The following YIPF4 variants were observed in gnomAD, a reference collection of about 807,000 sequenced individuals.
YIPF4 encodes Yip1 domain family member 4.
A neutral mutation model predicts 29.4 loss-of-function variants in YIPF4; 18 were observed. That is an observed-to-expected ratio of 0.61 (90% CI 0.42 to 0.91). YIPF4 has a LOEUF of 0.91. Ranked by LOEUF, YIPF4 falls within the 40% of genes least tolerant of loss-of-function variation. The pLI is 0.00. For missense variants in YIPF4, 279 were observed against 282.7 expected, an observed-to-expected ratio of 0.99 and a Z score of 0.09; for synonymous variants, 115 against 104.7, an observed-to-expected ratio of 1.10 and a Z score of -0.60.
rs1024666738 is a variant in YIPF4, at chr2:32,316,042, C to CAAAAAAAAAAAAAAAAA, written c.*10431_*10432insAAAAAAAAAAAAAAAAA. The CAAAAAAAAAAAAAAAAA allele has an allele frequency of 2.9e-5, 3 of 104,278 alleles. No individual in the cohort carries two copies. Among genetic ancestry groups the CAAAAAAAAAAAAAAAAA allele is most frequent in the Non-Finnish European group, 4.1e-5 (2 of 48,228 alleles). 6.5% of individuals were successfully genotyped at this position (104,278 alleles called of 1,614,324 possible). On this transcript the variant is annotated 3_prime_UTR_variant, in exon 6 of 6. Transcript: ENST00000238831. ...CCAAAAAGGAAAAAAAAAAAAAAAC[C>CAAAAAAAAAAAAAAAAA]AAAAAAAAAAAAAAAGTATAAAGCA...
Position 32,299,802 on chromosome 2 carries a change from C to T in YIPF4, c.483+1491C>T, listed in dbSNP as rs112862920. ...ACTGTAGCCTGGCCGACGGTGAAAT[C>T]TTGTCTTAAATAAATTAAATAAATA... On this transcript the variant is annotated intron_variant, in intron 4 of 5. Transcript: ENST00000238831. 2.1e-3 allele frequency among the ~76,000 whole-genome samples: 316 copies of T among 152,028 alleles called. 1 individual carries two copies. The highest frequency in any genetic ancestry group is 4.9e-3 in the Admixed American group (75 of 15,246).
chr2:32,305,835 T>G lies in YIPF4; in HGVS notation c.*209T>G. The G allele has an allele frequency of 8.4e-7, 1 of 1,194,306 alleles. No homozygotes were observed. The highest frequency in any genetic ancestry group is 1.0e-6 in the Non-Finnish European group (1 of 965,258). 74.0% of individuals were successfully genotyped at this position (1,194,306 alleles called of 1,614,324 possible). ...GGATTTTTGGGTCAGAATTTTAAAT[T>G]CTGTTTGATTCTCCATATTCCAGTG... On this transcript the variant is annotated 3_prime_UTR_variant, in exon 6 of 6. Coordinates refer to ENST00000238831, the MANE Select transcript of YIPF4 (RefSeq NM_032312.4).
At chr2:32,303,969 T>A (rs2031490337) in intron 5 of YIPF4, among the ~76,000 whole-genome samples, 1 of 152,258 alleles carries the variant, frequency 6.6e-6, no homozygotes, top group Non-Finnish European at 1.5e-5. Flanking sequence ...ACTATTGTTC[T>A]GTGGTCATCT....
intron 1 of YIPF4, among the ~76,000 whole-genome samples, chr2:32,282,765 T>C (rs2030485517): frequency 6.6e-6 from 1 of 151,722 alleles, no homozygotes; most frequent in Admixed American, 6.6e-5. Context: ...TTTCCTCATA[T>C]ACAAATTGGG....
chr2:32,306,715 GT>G lies in YIPF4; in HGVS notation c.*1094del. ...ATATTTGTTGCAAATAATTTCATAG[GT>G]TTTTAGATACACCTGTAGTTAATAT... On this transcript the variant is annotated 3_prime_UTR_variant, in exon 6 of 6. Coordinates refer to ENST00000238831, the MANE Select transcript of YIPF4 (RefSeq NM_032312.4). 2.0e-6 allele frequency: 1 copy of G among 500,534 alleles called. No individual in the cohort carries two copies. Among genetic ancestry groups the G allele is most frequent in the Non-Finnish European group, 2.6e-6 (1 of 387,282 alleles). 31.0% of individuals were successfully genotyped at this position (500,534 alleles called of 1,614,324 possible).
intron 3 of YIPF4, among the ~76,000 whole-genome samples, chr2:32,293,789 G>A (rs1318894460): frequency 1.3e-5 from 2 of 150,812 alleles, no homozygotes; most frequent in Non-Finnish European, 3.0e-5. Flanking sequence ...AGTAGGGGCG[G>A]CTGGGCAGAG....
intron 4 of YIPF4, among the ~76,000 whole-genome samples, chr2:32,298,762 T>A (rs1400067223): frequency 6.6e-6 from 1 of 152,080 alleles, no homozygotes; most frequent in Admixed American, 6.5e-5. Context: ...TTTCACCATG[T>A]TGGCCAGGCT....
intron 4 of YIPF4, among the ~76,000 whole-genome samples, chr2:32,300,434 TAA>T (rs78248257): frequency 4.8e-4 from 58 of 120,602 alleles, no homozygotes; most frequent in Admixed American, 7.8e-4. Context: ...ACTCCGTCTT[TAA>T]AAAAAAAAAA....
At chr2:32,281,710 A>G (rs902673950) in intron 1 of YIPF4, among the ~76,000 whole-genome samples, 1 of 151,962 alleles carries the variant, frequency 6.6e-6, no homozygotes. Flanking sequence ...CAACATGGCA[A>G]AACCCCATCT....
rs1378882468 is a variant in YIPF4, at chr2:32,312,579, C to G, written c.*6953C>G. The stretch of plus-strand genomic sequence containing the variant: ...ATAATAAAACATTGAGAAGAAACAG[C>G]CTTTGAATTTGGCACCCTGAATGTG... On this transcript the variant is annotated 3_prime_UTR_variant, in exon 6 of 6. Coordinates refer to ENST00000238831, the MANE Select transcript of YIPF4 (RefSeq NM_032312.4). 13 of 149,238 alleles carry G rather than the reference C, an allele frequency of 8.7e-5. No homozygotes were observed. Among genetic ancestry groups the G allele is most frequent in the East Asian group, 3.9e-4 (2 of 5,140 alleles). The allele number at this position is 149,238 out of a possible 1,614,324, so 9.2% of individuals were successfully genotyped here. A position where few individuals can be genotyped will look rare whatever the true frequency, so the allele number is the denominator to read the frequency against.
chr2:32,282,247 G>A (rs961287988), intron 1 of YIPF4, among the ~76,000 whole-genome samples: 1 of 152,036 alleles, frequency 6.6e-6, no homozygotes, highest in South Asian at 2.1e-4. Flanking sequence ...CCAGGGGAAC[G>A]TAGTGACACC....
rs2031268760 is a variant in YIPF4, at chr2:32,298,252, A to T, written c.424A>T (p.Thr142Ser). The T allele has an allele frequency of 5.0e-6, 8 of 1,610,490 alleles. No homozygotes were observed. Among genetic ancestry groups the T allele is most frequent in the Non-Finnish European group, 6.8e-6 (8 of 1,177,768 alleles). ...CCCTAAGGTGGTCTCATGGATTATA[A>T]CCATTTGGATATTTGGTTCACTAAC... ...GQFRVVSWII[T>S]IWIFGSLTIF... The change falls in exon 4 of 6, where the codon ACC (threonine) becomes TCC (serine). Residue 142 changes from threonine (T) to serine (S), a missense_variant. Thr to Ser is a moderately conservative substitution (Grantham distance 58). Coordinates refer to ENST00000238831, the MANE Select transcript of YIPF4 (RefSeq NM_032312.4).
chr2:32,292,464 A>T (rs2030959399), intron 3 of YIPF4, 116 bp downstream of exon 3: 1 of 826,664 alleles, frequency 1.2e-6, no homozygotes, highest in Non-Finnish European at 1.7e-6. Context: ...TTTACCCATT[A>T]TTTCTCACTT....
At chr2:32,284,510 A>G (rs1419910119) in intron 1 of YIPF4, among the ~76,000 whole-genome samples, 1 of 151,756 alleles carries the variant, frequency 6.6e-6, no homozygotes, top group Non-Finnish European at 1.5e-5. Context: ...AGGGTGTAGC[A>G]CCTCCACTGT....
intron 3 of YIPF4, among the ~76,000 whole-genome samples, chr2:32,293,874 G>A (rs1331731484): frequency 4.1e-5 from 6 of 146,606 alleles, no homozygotes; most frequent in Admixed American, 6.7e-5. Flanking sequence ...CGGACGGGGC[G>A]GCTGGCCGGG....
rs1464178991 is a variant in YIPF4, at chr2:32,305,706, A to G, written c.*80A>G. ...AATTCTTGCTGAAGGAATTGGAGAA[A>G]ACCTGTTGCTGCAAAATTTTACATG... On this transcript the variant is annotated 3_prime_UTR_variant, in exon 6 of 6. Coordinates refer to ENST00000238831, the MANE Select transcript of YIPF4 (RefSeq NM_032312.4). The G allele has an allele frequency of 7.5e-7, 1 of 1,324,718 alleles. No individual in the cohort carries two copies. The highest frequency in any genetic ancestry group is 1.5e-5 in the African/African-American group (1 of 66,560). 82.1% of individuals were successfully genotyped at this position (1,324,718 alleles called of 1,614,324 possible). A position where few individuals can be genotyped will look rare whatever the true frequency, so the allele number is the denominator to read the frequency against.
intron 3 of YIPF4, among the ~76,000 whole-genome samples, chr2:32,296,473 A>T (rs1172830340): frequency 6.6e-6 from 1 of 150,998 alleles, no homozygotes; most frequent in East Asian, 1.9e-4. Flanking sequence ...TCAGTCTCAA[A>T]AAAAAAAAAA....
In YIPF4 at chr2:32,309,403, A is replaced by G. The variant is rs1158971173; in HGVS notation, c.*3777A>G. ...TGAAACCTGAGAAACTCTGGTCCCAAGCATTTTGGAAAGGGTATACTCAAT... is the reference window on the plus strand; with the variant it reads ...TGAAACCTGAGAAACTCTGGTCCCAGGCATTTTGGAAAGGGTATACTCAAT... On this transcript the variant is annotated 3_prime_UTR_variant, in exon 6 of 6. Coordinates refer to ENST00000238831, the MANE Select transcript of YIPF4 (RefSeq NM_032312.4). 6.6e-6 allele frequency: 1 copy of G among 152,216 alleles called. No individual in the cohort carries two copies. Among genetic ancestry groups the G allele is most frequent in the South Asian group, 2.1e-4 (1 of 4,830 alleles). The allele number at this position is 152,216 out of a possible 1,614,324, so 9.4% of individuals were successfully genotyped here. A position where few individuals can be genotyped will look rare whatever the true frequency, so the allele number is the denominator to read the frequency against.
intron 1 of YIPF4, among the ~76,000 whole-genome samples, chr2:32,282,297 C>G (rs2030455624): frequency 6.6e-6 from 1 of 152,176 alleles, no homozygotes; most frequent in Non-Finnish European, 1.5e-5. Flanking sequence ...ATTCTGCTAT[C>G]TCCTCAAGTT....
Sources: allele counts gnomAD v4.1 joint callset (sites outside exome capture counted in the v4.1 genomes callset), GRCh38; gene constraint gnomAD v4.1.1; transcripts MANE v1.5; gene names NCBI Gene and HGNC (gene_info 2026-07-23, HGNC 2026-07-21).